The following SLC9B2 variants were observed in gnomAD, a reference collection of about 807,000 sequenced individuals.
SLC9B2 encodes the protein solute carrier family 9 member B2.
SLC9B2 carries 39 observed loss-of-function variants against 52.2 expected under a neutral mutation model. The observed-to-expected ratio is 0.75, with a 90% CI of 0.58 to 0.98. The LOEUF is 0.98. Among genes scored for constraint, SLC9B2 ranks in the 50% least tolerant of loss-of-function variants. SLC9B2 has a pLI of 0.00. For missense variants in SLC9B2, 626 were observed against 637.5 expected, an observed-to-expected ratio of 0.98 and a Z score of 0.19; for synonymous variants, 214 against 227.0, an observed-to-expected ratio of 0.94 and a Z score of 0.51.
chr4:103,031,066 C>T (rs141652869), intron 10 of SLC9B2, among the ~76,000 whole-genome samples: 59 of 151,728 alleles, frequency 3.9e-4, no homozygotes, highest in Middle Eastern at 3.4e-3. Context: ...AAGAAAATTG[C>T]GACATGGATA....
chr4:103,033,765 A>G (rs1742909052), intron 9 of SLC9B2, among the ~76,000 whole-genome samples: 1 of 152,320 alleles, frequency 6.6e-6, no homozygotes, highest in East Asian at 1.9e-4. Flanking sequence ...GAGGTAAAAA[A>G]TCTCTACAAT....
At chr4:103,036,716 T>C (rs553536213) in intron 9 of SLC9B2, among the ~76,000 whole-genome samples, 1 of 151,738 alleles carries the variant, frequency 6.6e-6, no homozygotes, top group African/African-American at 2.4e-5. Context: ...TAATGAAAAG[T>C]ATTCATGACT....
chr4:103,043,772 T>C (rs919467964), intron 8 of SLC9B2, among the ~76,000 whole-genome samples: 3 of 152,222 alleles, frequency 2.0e-5, no homozygotes, highest in African/African-American at 4.8e-5. Context: ...ATAGTTTTTA[T>C]ACATTGTTGG....
intron 1 of SLC9B2, among the ~76,000 whole-genome samples, chr4:103,075,855 G>T (rs1279273219): frequency 6.6e-6 from 1 of 152,122 alleles, no homozygotes; most frequent in Non-Finnish European, 1.5e-5. Context: ...TAGTTACTGA[G>T]ATGTTTTACT....
chr4:103,041,211 T>A (rs1743610494), intron 9 of SLC9B2, among the ~76,000 whole-genome samples: 1 of 152,124 alleles, frequency 6.6e-6, no homozygotes, highest in Non-Finnish European at 1.5e-5. Flanking sequence ...ACCTTATAAC[T>A]ATATATAAAG....
intron 9 of SLC9B2, among the ~76,000 whole-genome samples, chr4:103,034,777 CTAT>C (rs757885361): frequency 1.6e-4 from 25 of 152,008 alleles, no homozygotes; most frequent in Non-Finnish European, 3.4e-4. Flanking sequence ...GTCAGGATGG[CTAT>C]TATTATTTTT....
intron 11 of SLC9B2, among the ~76,000 whole-genome samples, chr4:103,027,317 G>A (rs1742312194): frequency 6.6e-6 from 1 of 152,078 alleles, no homozygotes; most frequent in Admixed American, 6.6e-5. Context: ...GATACCTACT[G>A]AAAACTGTTA....
rs75457016 is a variant in SLC9B2 at position 103,057,969 on chromosome 4, T to C, written c.274A>G (p.Thr92Ala). Residue 92 changes from threonine to alanine, a missense_variant and splice_region_variant, in exon 4 of 12, where the codon ACC becomes GCC. Transcript: ENST00000394785. The part of the protein sequence containing the change: ...GLLDRVITNV[T>A]IIVLLWAVVW... Reference sequence around the variant, plus strand: ...ACAGCCCACAGAAGAACAATGATGGTAACTGAAATAAACCAGGAATACTAG... The same window carrying C: ...ACAGCCCACAGAAGAACAATGATGGCAACTGAAATAAACCAGGAATACTAG... 1 of 1,604,920 alleles carries C rather than the reference T, an allele frequency of 6.2e-7. No individual in the cohort carries two copies.
chr4:103,030,960 C>T (rs1016957650), intron 10 of SLC9B2, among the ~76,000 whole-genome samples: 15 of 152,092 alleles, frequency 9.9e-5, no homozygotes, highest in Non-Finnish European at 2.2e-4. Flanking sequence ...TTTCGCTTAG[C>T]ATAATGTTCT....
At chr4:103,032,820 G>T (rs1482789367) in intron 9 of SLC9B2, among the ~76,000 whole-genome samples, 1 of 152,170 alleles carries the variant, frequency 6.6e-6, no homozygotes. Flanking sequence ...TAGATTTTCA[G>T]CAAATTCTGC....
intron 9 of SLC9B2, chr4:103,042,294 T>C (rs1743710907): frequency 6.6e-6 from 1 of 152,128 alleles, no homozygotes; most frequent in African/African-American, 2.4e-5. Context: ...TGTAAGATTA[T>C]CACAAAATGA....
intron 3 of SLC9B2, among the ~76,000 whole-genome samples, chr4:103,061,913 C>T (rs1314031056): frequency 1.3e-5 from 2 of 152,192 alleles, no homozygotes; most frequent in Non-Finnish European, 1.5e-5. Context: ...TAAACCCTCA[C>T]AGAATTGTTC....
intron 3 of SLC9B2, among the ~76,000 whole-genome samples, chr4:103,065,160 A>G (rs141179893): frequency 5.5e-4 from 77 of 139,738 alleles, no homozygotes; most frequent in African/African-American, 1.7e-3. Flanking sequence ...AGATCCATGA[A>G]AAAAAAAATG....
intron 4 of SLC9B2, among the ~76,000 whole-genome samples, chr4:103,057,582 C>G (rs1745266106): frequency 6.6e-6 from 1 of 152,068 alleles, no homozygotes. Flanking sequence ...GCTGGGATTA[C>G]AGGTGTGAAC....
chr4:103,031,642 G>A, intron 10 of SLC9B2, 58 bp downstream of exon 10: 1 of 1,281,924 alleles, frequency 7.8e-7, no homozygotes. Flanking sequence ...GACTTTATTG[G>A]TGAGTAGGCT....
chr4:103,058,524 T>C (rs111762359), intron 3 of SLC9B2, among the ~76,000 whole-genome samples: 1,966 of 152,242 alleles, frequency 0.013, 40 homozygotes, highest in African/African-American at 0.041. Flanking sequence ...CAGCCTCTCA[T>C]GTAGCTGGGA....
At chr4:103,057,273 T>TAC (rs1553917193) in intron 4 of SLC9B2, among the ~76,000 whole-genome samples, 206 of 143,232 alleles carry the variant, frequency 1.4e-3, no homozygotes, top group East Asian at 8.4e-3. Flanking sequence ...TATATATATA[T>TAC]ACACACACAC....
intron 6 of SLC9B2, 44 bp from the exon 7 acceptor site, chr4:103,047,270 A>T: frequency 6.6e-7 from 1 of 1,506,010 alleles, no homozygotes; most frequent in Non-Finnish European, 9.0e-7. Context: ...CATCTTACTT[A>T]TTACTATTTT....
chr4:103,036,469 T>A (rs1007632696), intron 9 of SLC9B2, among the ~76,000 whole-genome samples: 3 of 151,890 alleles, frequency 2.0e-5, no homozygotes, highest in African/African-American at 4.8e-5. Flanking sequence ...AACACATCAT[T>A]TATCCATGTA....
Sources: gnomAD v4.1 joint callset for allele counts (sites outside exome capture counted in the v4.1 genomes callset) on GRCh38, gnomAD v4.1.1 for gene constraint, MANE v1.5 for transcripts, NCBI Gene and HGNC (gene_info 2026-07-23, HGNC 2026-07-21) for gene names.